FGGY: variants seen among roughly 807,000 people sequenced by gnomAD.
The protein encoded by FGGY is FGGY carbohydrate kinase domain-containing protein.
A neutral mutation model predicts 71.3 loss-of-function variants in FGGY; 72 were observed. The ratio of observed to expected loss-of-function variants is 1.01; its 90% confidence interval spans 0.84 to 1.23. The LOEUF (loss-of-function observed/expected upper bound fraction) is 1.23. FGGY is among the 50% of genes most tolerant of loss of function. The pLI is 0.00. For missense variants in FGGY, 668 were observed against 682.3 expected (o/e 0.98, Z 0.23); for synonymous variants, 251 against 250.3 (o/e 1.00, Z -0.02).
chr1:59,349,698 A>T (rs1428955602), intron 4 of FGGY, among the ~76,000 whole-genome samples: 1 of 152,160 alleles, frequency 6.6e-6, no homozygotes, highest in Non-Finnish European at 1.5e-5. Flanking sequence ...CATGTACAGG[A>T]ATTCTTGCTG....
At chr1:59,460,042 A>T (rs2092043048) in intron 6 of FGGY, among the ~76,000 whole-genome samples, 1 of 152,160 alleles carries the variant, frequency 6.6e-6, no homozygotes, top group Admixed American at 6.5e-5. Flanking sequence ...AGAAATGAAG[A>T]TAAAGGGCAG....
chr1:59,349,121 T>C (rs1431038351), intron 4 of FGGY, among the ~76,000 whole-genome samples: 1 of 152,212 alleles, frequency 6.6e-6, no homozygotes, highest in African/African-American at 2.4e-5. Context: ...CACAGGAAAC[T>C]GATCCTAAGG....
At chr1:59,578,738 T>C (rs2096129703) in intron 8 of FGGY, among the ~76,000 whole-genome samples, 1 of 152,070 alleles carries the variant, frequency 6.6e-6, no homozygotes, top group South Asian at 2.1e-4. Flanking sequence ...GAGCTGTTTT[T>C]TCCTGCACAC....
intron 14 of FGGY, among the ~76,000 whole-genome samples, chr1:59,675,863 G>A (rs186310386): frequency 2.6e-5 from 4 of 152,250 alleles, no homozygotes; most frequent in African/African-American, 9.6e-5. Context: ...GTATATGGAG[G>A]TGGGTCTTTG....
intron 6 of FGGY, among the ~76,000 whole-genome samples, chr1:59,506,354 A>C (rs1205764281): frequency 6.6e-6 from 1 of 151,112 alleles, no homozygotes; most frequent in Non-Finnish European, 1.5e-5. Flanking sequence ...AAAAAAAATC[A>C]CATGATCATA....
intron 14 of FGGY, among the ~76,000 whole-genome samples, chr1:59,713,232 C>T (rs951915699): frequency 3.3e-5 from 5 of 152,194 alleles, no homozygotes; most frequent in African/African-American, 1.2e-4. Flanking sequence ...TTGTTCATAT[C>T]ACTATCAGCA....
intron 14 of FGGY, among the ~76,000 whole-genome samples, chr1:59,687,364 C>T (rs2097551872): frequency 6.6e-6 from 1 of 152,208 alleles, no homozygotes; most frequent in East Asian, 1.9e-4. Context: ...CTCCTGTCAT[C>T]CCTTGATTCC....
At chr1:59,491,312 T>G (rs540509229) in intron 6 of FGGY, among the ~76,000 whole-genome samples, 5 of 151,554 alleles carry the variant, frequency 3.3e-5, no homozygotes, top group Admixed American at 6.6e-5. Context: ...TTGCTTTGGG[T>G]AGTATGGTCA....
chr1:59,550,819 A>C (rs890130462), intron 7 of FGGY, among the ~76,000 whole-genome samples: 1 of 152,232 alleles, frequency 6.6e-6, no homozygotes, highest in Non-Finnish European at 1.5e-5. Context: ...TAGAAAGAAC[A>C]TAAGCTTTGG....
intron 8 of FGGY, among the ~76,000 whole-genome samples, chr1:59,557,696 T>A (rs1372000662): frequency 6.6e-6 from 1 of 152,166 alleles, no homozygotes; most frequent in East Asian, 1.9e-4. Context: ...AAACCCCAGA[T>A]AATACACAGC....
At chr1:59,599,758 C>G (rs1249151386) in intron 8 of FGGY, among the ~76,000 whole-genome samples, 2 of 149,016 alleles carry the variant, frequency 1.3e-5, no homozygotes, top group Non-Finnish European at 3.0e-5. Context: ...GCCCTCTAAT[C>G]AGTGAGACAA....
At chr1:59,471,657 A>G (rs181169446) in intron 6 of FGGY, among the ~76,000 whole-genome samples, 72 of 152,326 alleles carry the variant, frequency 4.7e-4, no homozygotes, top group Admixed American at 3.5e-3. Context: ...CCATCCATCC[A>G]GTCATGCATC....
chr1:59,523,566 C>T (rs962617278), intron 7 of FGGY, among the ~76,000 whole-genome samples: 2 of 152,282 alleles, frequency 1.3e-5, no homozygotes, highest in African/African-American at 2.4e-5. Flanking sequence ...TGCCTCAGTA[C>T]ACTCTGTAGC....
intron 10 of FGGY, among the ~76,000 whole-genome samples, chr1:59,631,112 C>T (rs1046575868): frequency 1.3e-5 from 2 of 152,082 alleles, no homozygotes; most frequent in African/African-American, 4.8e-5. Context: ...ATCACTTTTT[C>T]CTCCTTTTAA....
intron 2 of FGGY, among the ~76,000 whole-genome samples, chr1:59,327,021 G>A (rs1031835961): frequency 6.6e-6 from 1 of 152,232 alleles, no homozygotes; most frequent in African/African-American, 2.4e-5. Context: ...GTGAGTTGTA[G>A]TCTTTTTCCT....
At position 59,579,496 on chromosome 1, in the gene FGGY, A is replaced by G. The variant is rs1451154892; in HGVS notation, c.903+25269A>G. Among the ~76,000 whole-genome samples the G allele has an allele frequency of 2.6e-5, 4 of 152,182 alleles. No homozygotes were observed. The East Asian group carries it at 5.8e-4, about 22-fold the overall frequency. ...AAAAGCCTAATTCCTCTCAGCCCCCAGGAAATCTCCTCTCACTGTCTTTCC... is the reference window on the plus strand; with the variant it reads ...AAAAGCCTAATTCCTCTCAGCCCCCGGGAAATCTCCTCTCACTGTCTTTCC... On this transcript the variant is annotated intron_variant, in intron 8 of 15. Transcript: ENST00000303721.
At chr1:59,399,822 A>G (rs1387398897) in intron 5 of FGGY, among the ~76,000 whole-genome samples, 2 of 152,210 alleles carry the variant, frequency 1.3e-5, no homozygotes, top group African/African-American at 4.8e-5. Flanking sequence ...CAGTATATAT[A>G]CACTCAGGTA....
At chr1:59,303,579 C>A (rs986377942) in intron 1 of FGGY, among the ~76,000 whole-genome samples, 2 of 152,118 alleles carry the variant, frequency 1.3e-5, no homozygotes, top group Non-Finnish European at 1.5e-5. Flanking sequence ...ACAGCTATTA[C>A]ACCAAGTAGT....
intron 1 of FGGY, among the ~76,000 whole-genome samples, chr1:59,314,121 A>G (rs2044933208): frequency 6.6e-6 from 1 of 152,078 alleles, no homozygotes; most frequent in South Asian, 2.1e-4. Context: ...GCCTGCCACC[A>G]CACTCGGCTA....
Sources: gnomAD v4.1 joint callset for allele counts (sites outside exome capture counted in the v4.1 genomes callset) on GRCh38, gnomAD v4.1.1 for gene constraint, MANE v1.5 for transcripts, NCBI Gene and HGNC (gene_info 2026-07-23, HGNC 2026-07-21) for gene names.